CHN1: variants seen among roughly 807,000 people sequenced by gnomAD.
CHN1 encodes the protein N-chimaerin.
CHN1 carries 37 observed loss-of-function variants against 59.5 expected under a neutral mutation model. The observed-to-expected ratio is 0.62, with a 90% confidence interval of 0.48 to 0.82. The LOEUF (loss-of-function observed/expected upper bound fraction) is 0.82, where lower values mean the gene tolerates loss of function less well. Among genes scored for constraint, CHN1 ranks in the 40% least tolerant of loss-of-function variants. The pLI is 0.00. For synonymous variants in CHN1, 206 were observed against 200.4 expected (o/e 1.03, Z -0.24); for missense variants, 469 against 571.0 (o/e 0.82, Z 1.82).
At chr2:174,942,561 T>C (rs1216282710) in intron 3 of CHN1, among the ~76,000 whole-genome samples, 1 of 152,040 alleles carries the variant, frequency 6.6e-6, no homozygotes, top group Non-Finnish European at 1.5e-5. Flanking sequence ...AAAATTATCC[T>C]AGATAAGAGT....
intron 11 of CHN1, among the ~76,000 whole-genome samples, chr2:174,804,434 A>T (rs192393666): frequency 5.9e-5 from 9 of 152,302 alleles, no homozygotes; most frequent in Admixed American, 1.3e-4. Context: ...CAACAAGGAA[A>T]GGTCATGATG....
intron 5 of CHN1, among the ~76,000 whole-genome samples, chr2:174,889,202 A>G (rs1687976857): frequency 6.6e-6 from 1 of 152,134 alleles, no homozygotes; most frequent in South Asian, 2.1e-4. Context: ...GGCCCCTAGA[A>G]TCTCTACACA....
chr2:174,976,074 A>C, intron 1 of CHN1, among the ~76,000 whole-genome samples: 1 of 129,616 alleles, frequency 7.7e-6, no homozygotes, highest in Middle Eastern at 5.3e-3. Flanking sequence ...TGCAGTGAGC[A>C]GAGATCGCGC....
chr2:174,842,592 T>C (rs1335605093), intron 7 of CHN1, among the ~76,000 whole-genome samples: 1 of 152,202 alleles, frequency 6.6e-6, no homozygotes, highest in Admixed American at 6.5e-5. Flanking sequence ...TTATTATAAA[T>C]GTGAACCAAA....
chr2:174,988,376 C>T (rs929151303), intron 1 of CHN1, among the ~76,000 whole-genome samples: 1 of 149,322 alleles, frequency 6.7e-6, no homozygotes, highest in Non-Finnish European at 1.5e-5. Context: ...AAAAAAAAGA[C>T]CAAATACTTG....
intron 6 of CHN1, among the ~76,000 whole-genome samples, chr2:174,867,922 A>T (rs564909516): frequency 3.9e-5 from 6 of 152,304 alleles, no homozygotes; most frequent in African/African-American, 1.4e-4. Flanking sequence ...TCATAGTTTT[A>T]TTATTTGTGT....
At chr2:174,846,405 G>C (rs1308227565) in intron 7 of CHN1, 2 of 1,544,470 alleles carry the variant, frequency 1.3e-6, no homozygotes, top group African/African-American at 2.8e-5. Flanking sequence ...TTTCATCATG[G>C]TCAATTCATT....
At position 174,933,686 on chromosome 2, in the gene CHN1, T is replaced by C. The variant is rs574759197; in HGVS notation, c.114+11202A>G. ...GCAGGGTCAAGAGAACTTTTTAAGA[T>C]AGGAGAAATAATAGGATATTTGTGG... On this transcript the variant is annotated intron_variant, in intron 3 of 12. Coordinates refer to ENST00000409900, the MANE Select transcript of CHN1 (RefSeq NM_001822.7). Among the ~76,000 whole-genome samples, 59 of 152,238 alleles carry C rather than the reference T, an allele frequency of 3.9e-4. No homozygotes were observed. In the South Asian group the frequency reaches 0.011, roughly 29 times the overall value.
chr2:174,810,263 T>A (rs377201852), intron 10 of CHN1, among the ~76,000 whole-genome samples: 33 of 152,342 alleles, frequency 2.2e-4, no homozygotes, highest in African/African-American at 7.7e-4. Context: ...ATCCTTTGCA[T>A]CATTACTATA....
At chr2:174,987,006 G>T (rs1391519159) in intron 1 of CHN1, among the ~76,000 whole-genome samples, 2 of 152,200 alleles carry the variant, frequency 1.3e-5, no homozygotes, top group Non-Finnish European at 2.9e-5. Flanking sequence ...AAAGTGCTGG[G>T]ATTACAGGCA....
chr2:174,920,172 G>T (rs774181752), intron 3 of CHN1, among the ~76,000 whole-genome samples: 10 of 151,986 alleles, frequency 6.6e-5, no homozygotes, highest in Non-Finnish European at 1.5e-4. Flanking sequence ...ATACTGAAAT[G>T]GAATATACAG....
chr2:175,000,601 A>G (rs1691860324), intron 1 of CHN1, among the ~76,000 whole-genome samples: 1 of 152,014 alleles, frequency 6.6e-6, no homozygotes, highest in Admixed American at 6.5e-5. Flanking sequence ...CTGCCACCAC[A>G]CTTGGCTAAT....
chr2:174,974,193 AG>A (rs1690848475), intron 1 of CHN1, among the ~76,000 whole-genome samples: 2 of 150,502 alleles, frequency 1.3e-5, no homozygotes, highest in African/African-American at 5.0e-5. Context: ...ATATTCAAAT[AG>A]AGTCTTCTTT....
rs149693775 is a variant in CHN1 at position 174,967,918 on chromosome 2, C to T, written c.20-15716G>A. On this transcript the variant is annotated intron_variant, in intron 1 of 12. Coordinates refer to ENST00000409900, the MANE Select transcript of CHN1 (RefSeq NM_001822.7). ...GGATTCTTGCCCTTGGAACAGGAAT[C>T]GATCATATTCCCTGGCCTGGGAGTA... Among the ~76,000 whole-genome samples, 288 of 152,282 alleles carry T rather than the reference C, an allele frequency of 1.9e-3. 1 individual carries two copies. The highest frequency in any genetic ancestry group is 8.9e-3 in the East Asian group (46 of 5,192).
At chr2:174,844,263 A>T (rs557353148) in intron 7 of CHN1, among the ~76,000 whole-genome samples, 1 of 151,472 alleles carries the variant, frequency 6.6e-6, no homozygotes, top group East Asian at 1.9e-4. Context: ...GTTTTATTCT[A>T]CTAAAAAAAC....
chr2:174,971,566 T>C (rs551376442), intron 1 of CHN1, among the ~76,000 whole-genome samples: 1 of 152,320 alleles, frequency 6.6e-6, no homozygotes, highest in South Asian at 2.1e-4. Context: ...GTAAATTATG[T>C]TGCACTGAAC....
At chr2:174,863,656 A>G (rs1177850858) in intron 6 of CHN1, among the ~76,000 whole-genome samples, 1 of 152,178 alleles carries the variant, frequency 6.6e-6, no homozygotes, top group East Asian at 1.9e-4. Context: ...AGTAATTTTT[A>G]AAGTGTAAAG....
chr2:174,853,685 C>T (rs139030291), intron 6 of CHN1, among the ~76,000 whole-genome samples: 18 of 152,134 alleles, frequency 1.2e-4, no homozygotes, highest in Middle Eastern at 3.4e-3. Context: ...AGAAAAGAGA[C>T]GGAATCAACC....
intron 6 of CHN1, among the ~76,000 whole-genome samples, chr2:174,868,456 T>C (rs1478843416): frequency 6.6e-6 from 1 of 152,152 alleles, no homozygotes; most frequent in Non-Finnish European, 1.5e-5. Flanking sequence ...TAATGGCTGC[T>C]TCCTTAGAGA....
Sources: gnomAD v4.1 joint callset for allele counts (sites outside exome capture counted in the v4.1 genomes callset) on GRCh38, gnomAD v4.1.1 for gene constraint, MANE v1.5 for transcripts, NCBI Gene and HGNC (gene_info 2026-07-23, HGNC 2026-07-21) for gene names.